Variants in LMBRD1 observed in about 807,000 individuals in gnomAD.
LMBRD1 encodes lysosomal cobalamin transport escort protein LMBD1.
Under a neutral mutation model 74.8 loss-of-function variants are expected in LMBRD1, and 64 were observed. That is an observed-to-expected ratio of 0.86 (90% CI 0.70 to 1.05). The LOEUF (loss-of-function observed/expected upper bound fraction) is 1.05, where lower values mean the gene tolerates loss of function less well. LMBRD1 is among the 50% of genes least tolerant of loss of function. The pLI is 0.00. For synonymous variants in LMBRD1, 204 were observed against 216.3 expected (o/e 0.94, Z 0.50); for missense variants, 652 against 645.9 (o/e 1.01, Z -0.10).
chr6:69,702,024 T>G (rs1365917740), intron 9 of LMBRD1, 71 bp from the exon 10 acceptor site: 2 of 858,854 alleles, frequency 2.3e-6, no homozygotes, highest in Non-Finnish European at 3.9e-6. Flanking sequence ...ATCATTATAT[T>G]CAATATGAGT....
At chr6:69,741,678 C>T in intron 6 of LMBRD1, 111 bp downstream of exon 6, 1 of 691,722 alleles carries the variant, frequency 1.4e-6, no homozygotes, top group Non-Finnish European at 2.5e-6. Flanking sequence ...CATGAGCCAC[C>T]ACGCCCAGCT....
intron 9 of LMBRD1, chr6:69,705,691 G>C: frequency 1.0e-6 from 1 of 973,926 alleles, no homozygotes; most frequent in Non-Finnish European, 1.6e-6. Context: ...TCAGTAGCAA[G>C]TTTTACTTTT....
chr6:69,730,604 T>C (rs1284106903), intron 7 of LMBRD1, among the ~76,000 whole-genome samples: 1 of 152,128 alleles, frequency 6.6e-6, no homozygotes, highest in Non-Finnish European at 1.5e-5. Context: ...GCAAGTTACA[T>C]TACAGTCACT....
chr6:69,765,273 T>C (rs1475922680), intron 3 of LMBRD1, among the ~76,000 whole-genome samples: 1 of 152,078 alleles, frequency 6.6e-6, no homozygotes, highest in Admixed American at 6.6e-5. Context: ...ACAGCTTAGG[T>C]CTATGATTGA....
chr6:69,744,846 CTCTT>C (rs1365790223), intron 5 of LMBRD1, among the ~76,000 whole-genome samples: 2 of 151,852 alleles, frequency 1.3e-5, no homozygotes, highest in African/African-American at 2.4e-5. Context: ...AGTGCTGTAA[CTCTT>C]TTTTTTTTTT....
In LMBRD1 at chr6:69,751,295, T is replaced by C. The variant is rs541915159; in HGVS notation, c.405+964A>G. 9.9e-5 allele frequency among the ~76,000 whole-genome samples: 15 copies of C among 152,214 alleles called. No individual in the cohort carries two copies. The South Asian group carries it at 3.1e-3, about 32-fold the overall frequency. On this transcript the variant is annotated intron_variant, in intron 4 of 15. Coordinates refer to ENST00000649934, the MANE Select transcript of LMBRD1 (RefSeq NM_018368.4). Reference sequence around the variant, plus strand: ...GTCGGCAGTTCTGAACATGGATGTGTGCTGTATTTGTCAGGTTTTTAAAAA... The same window carrying C: ...GTCGGCAGTTCTGAACATGGATGTGCGCTGTATTTGTCAGGTTTTTAAAAA...
chr6:69,767,999 T>C (rs1252851393), intron 3 of LMBRD1, among the ~76,000 whole-genome samples: 2 of 151,922 alleles, frequency 1.3e-5, no homozygotes, highest in Non-Finnish European at 2.9e-5. Flanking sequence ...ATATAGTCAT[T>C]TCAGCTGTCA....
intron 2 of LMBRD1, among the ~76,000 whole-genome samples, chr6:69,780,813 T>C (rs1765817032): frequency 1.3e-5 from 2 of 152,024 alleles, no homozygotes; most frequent in South Asian, 4.2e-4. Context: ...TTCTCAAAAA[T>C]GACTAAACTG....
chr6:69,768,057 A>G (rs143355962), intron 3 of LMBRD1, among the ~76,000 whole-genome samples: 1 of 152,016 alleles, frequency 6.6e-6, no homozygotes, highest in East Asian at 1.9e-4. Flanking sequence ...CTTTAACCAT[A>G]TACTATTTGT....
intron 4 of LMBRD1, among the ~76,000 whole-genome samples, chr6:69,750,711 G>A (rs554726602): frequency 3.3e-5 from 5 of 152,178 alleles, no homozygotes; most frequent in South Asian, 2.1e-4. Context: ...CATACATCTC[G>A]TGGAGATCTT....
At chr6:69,774,555 C>T (rs758051715) in intron 3 of LMBRD1, among the ~76,000 whole-genome samples, 2 of 152,036 alleles carry the variant, frequency 1.3e-5, no homozygotes, top group African/African-American at 2.4e-5. Context: ...CTTACTTTTG[C>T]ATGCATGCAG....
intron 3 of LMBRD1, among the ~76,000 whole-genome samples, chr6:69,757,010 A>G (rs1765281060): frequency 2.6e-5 from 4 of 152,240 alleles, no homozygotes; most frequent in African/African-American, 9.6e-5. Flanking sequence ...TAACTCTTTT[A>G]CAATAATGAT....
intron 3 of LMBRD1, among the ~76,000 whole-genome samples, chr6:69,762,671 G>A (rs1261617109): frequency 6.6e-6 from 1 of 152,112 alleles, no homozygotes; most frequent in Non-Finnish European, 1.5e-5. Context: ...ATAGTATTTG[G>A]AGGTGGGGTC....
intron 7 of LMBRD1, among the ~76,000 whole-genome samples, chr6:69,723,852 TA>T (rs2149859580): frequency 6.6e-6 from 1 of 150,860 alleles, no homozygotes; most frequent in East Asian, 2.0e-4. Context: ...AATAAAACAA[TA>T]AAAAAGATAG....
chr6:69,730,213 C>A (rs752723236), intron 7 of LMBRD1, among the ~76,000 whole-genome samples: 3 of 152,038 alleles, frequency 2.0e-5, no homozygotes, highest in Non-Finnish European at 4.4e-5. Flanking sequence ...CTAATAACTT[C>A]TTTTACCGCT....
In LMBRD1 at chr6:69,674,636, T is replaced by C. The variant is rs529460875; in HGVS notation, c.*1522A>G. ...TCAAAGTTCAGAGCTTAAGAACAAG[T>C]AGTATAGATAGAAGCCAAGGGTATG... is the stretch of plus-strand genomic sequence containing the variant. On this transcript the variant is annotated 3_prime_UTR_variant, in exon 16 of 16. Coordinates refer to ENST00000649934, the MANE Select transcript of LMBRD1 (RefSeq NM_018368.4). 1.3e-5 allele frequency among the ~76,000 whole-genome samples: 2 copies of C among 152,224 alleles called. No homozygotes were observed. Among genetic ancestry groups the C allele is most frequent in the South Asian group, 2.1e-4 (1 of 4,820 alleles).
intron 14 of LMBRD1, among the ~76,000 whole-genome samples, chr6:69,683,913 A>G (rs548102683): frequency 2.0e-5 from 3 of 152,234 alleles, no homozygotes; most frequent in Non-Finnish European, 4.4e-5. Flanking sequence ...ATTTTAAAAT[A>G]TAATATGAGG....
rs73485528 is a variant in LMBRD1, at chr6:69,718,263, A to G, written c.762+693T>C. Among the ~76,000 whole-genome samples, 1,059 of 152,242 alleles carry G rather than the reference A, an allele frequency of 7.0e-3. 16 individuals carry two copies. The highest frequency in any genetic ancestry group is 0.021 in the African/African-American group (887 of 41,570). ...CTTTAGCTTATTCAACTAGTAAATA[A>G]AACTTGAACATAAATATTATAGTAA... On this transcript the variant is annotated intron_variant, in intron 8 of 15. Transcript: ENST00000649934.
At chr6:69,682,032 G>A (rs1765674308) in intron 14 of LMBRD1, among the ~76,000 whole-genome samples, 1 of 151,830 alleles carries the variant, frequency 6.6e-6, no homozygotes, top group Non-Finnish European at 1.5e-5. Context: ...TGGGATCTGT[G>A]AGATTTTTAG....
Sources: gnomAD v4.1 joint callset for allele counts (sites outside exome capture counted in the v4.1 genomes callset) on GRCh38, gnomAD v4.1.1 for gene constraint, MANE v1.5 for transcripts, NCBI Gene and HGNC (gene_info 2026-07-23, HGNC 2026-07-21) for gene names.